The following SYNDIG1 variants were observed in gnomAD, a reference collection of about 807,000 sequenced individuals.
The protein encoded by SYNDIG1 is synapse differentiation inducing 1.
In SYNDIG1, 9 loss-of-function variants were observed where a neutral mutation model predicts 19.4. The observed-to-expected ratio is 0.46, with a 90% CI of 0.28 to 0.81. SYNDIG1 has a LOEUF of 0.81. Among genes scored for constraint, SYNDIG1 ranks in the 30% least tolerant of loss-of-function variants. The probability of loss-of-function intolerance (pLI) is 0.12; values close to 1 mark genes in which losing one functional copy is unlikely to be tolerated. For missense variants in SYNDIG1, 311 were observed against 343.3 expected, an observed-to-expected ratio of 0.91 and a Z score of 0.74; for synonymous variants, 141 against 145.9, an observed-to-expected ratio of 0.97 and a Z score of 0.24.
intron 3 of SYNDIG1, among the ~76,000 whole-genome samples, chr20:24,635,526 T>A (rs2059306459): frequency 1.3e-5 from 2 of 152,244 alleles, no homozygotes; most frequent in Admixed American, 1.3e-4. Context: ...CAAGGGTCTC[T>A]GTGCTGGTTG....
At chr20:24,650,143 CTG>C (rs1181888932) in intron 3 of SYNDIG1, among the ~76,000 whole-genome samples, 2 of 152,206 alleles carry the variant, frequency 1.3e-5, no homozygotes, top group African/African-American at 2.4e-5. Flanking sequence ...AAGTTCCACT[CTG>C]TGAGTGTGCG....
chr20:24,640,908 T>A (rs2059369940), intron 3 of SYNDIG1, among the ~76,000 whole-genome samples: 1 of 152,238 alleles, frequency 6.6e-6, no homozygotes, highest in Non-Finnish European at 1.5e-5. Flanking sequence ...CCTGCCAGCC[T>A]GCATGCACAC....
chr20:24,536,921 C>G (rs985219266), intron 1 of SYNDIG1, among the ~76,000 whole-genome samples: 1 of 152,198 alleles, frequency 6.6e-6, no homozygotes, highest in African/African-American at 2.4e-5. Context: ...ACCCTTCTTA[C>G]TGCCCAAAAG....
chr20:24,634,106 C>T (rs2059288633), intron 3 of SYNDIG1, among the ~76,000 whole-genome samples: 1 of 152,188 alleles, frequency 6.6e-6, no homozygotes, highest in Admixed American at 6.5e-5. Context: ...CTCCTCCATG[C>T]CCCTTTCTCA....
intron 1 of SYNDIG1, among the ~76,000 whole-genome samples, chr20:24,505,213 G>T (rs2056558180): frequency 6.6e-6 from 1 of 152,120 alleles, no homozygotes; most frequent in African/African-American, 2.4e-5. Context: ...CTGAAGAGAG[G>T]ACCTGGCAAA....
chr20:24,665,630 C>T lies in SYNDIG1; in HGVS notation c.*126C>T. On this transcript the variant is annotated 3_prime_UTR_variant, in exon 4 of 4. Transcript: ENST00000376862. ...ATGATGCCACGAAGCCCTGGGATTT[C>T]CTACCCATGGATTTATTTTGTTTTT... is the stretch of plus-strand genomic sequence containing the variant. 7.4e-7 allele frequency: 1 copy of T among 1,360,392 alleles called. No homozygotes were observed. Among genetic ancestry groups the T allele is most frequent in the South Asian group, 1.3e-5 (1 of 74,326 alleles). 84.3% of individuals were successfully genotyped at this position (1,360,392 alleles called of 1,614,324 possible). A position where few individuals can be genotyped will look rare whatever the true frequency, so the allele number is the denominator to read the frequency against.
intron 2 of SYNDIG1, among the ~76,000 whole-genome samples, chr20:24,582,820 A>G (rs78911341): frequency 0.033 from 5,045 of 152,310 alleles, 243 homozygotes; most frequent in African/African-American, 0.11. Flanking sequence ...GCAGCCCCAG[A>G]CACATGAAGC....
At chr20:24,562,303 A>G (rs1171988550) in intron 2 of SYNDIG1, among the ~76,000 whole-genome samples, 1 of 152,232 alleles carries the variant, frequency 6.6e-6, no homozygotes, top group Non-Finnish European at 1.5e-5. Context: ...TCCTTCATGA[A>G]GCAAATATGT....
Position 24,584,848 on chromosome 20 carries a change from T to A in SYNDIG1, c.481-8T>A. 6.2e-7 allele frequency: 1 copy of A among 1,614,124 alleles called. No individual in the cohort carries two copies. The highest frequency in any genetic ancestry group is 8.5e-7 in the Non-Finnish European group (1 of 1,180,024). ...CTCCTGTCCTGTCCTGCTGGTTCTC[T>A]CTTGCAGAGCGACTACTCAAGCGAC... On this transcript the variant is annotated splice_polypyrimidine_tract_variant and splice_region_variant and intron_variant, in intron 2 of 3. Coordinates refer to ENST00000376862, the MANE Select transcript of SYNDIG1 (RefSeq NM_024893.3).
At chr20:24,566,065 G>A (rs538381826) in intron 2 of SYNDIG1, among the ~76,000 whole-genome samples, 54 of 152,326 alleles carry the variant, frequency 3.5e-4, no homozygotes, top group African/African-American at 1.2e-3. Context: ...CTCCCAGGGA[G>A]GAGCAGTGAG....
At chr20:24,518,675 G>A (rs1302158834) in intron 1 of SYNDIG1, among the ~76,000 whole-genome samples, 1 of 152,248 alleles carries the variant, frequency 6.6e-6, no homozygotes, top group East Asian at 1.9e-4. Flanking sequence ...TCGTGTCCCA[G>A]CCTCTGGCTT....
chr20:24,503,125 G>C (rs1351203001), intron 1 of SYNDIG1, among the ~76,000 whole-genome samples: 1 of 152,180 alleles, frequency 6.6e-6, no homozygotes, highest in Non-Finnish European at 1.5e-5. Flanking sequence ...AGCAGACTGT[G>C]CCCTCATTCT....
At chr20:24,648,132 G>A (rs1284371561) in intron 3 of SYNDIG1, among the ~76,000 whole-genome samples, 1 of 152,110 alleles carries the variant, frequency 6.6e-6, no homozygotes, top group Non-Finnish European at 1.5e-5. Context: ...CATCTCATTG[G>A]AATTAGGGCT....
At chr20:24,530,559 T>G (rs2057234570) in intron 1 of SYNDIG1, among the ~76,000 whole-genome samples, 1 of 152,322 alleles carries the variant, frequency 6.6e-6, no homozygotes, top group Non-Finnish European at 1.5e-5. Context: ...CTCTATACAC[T>G]TGGGCCTTGG....
At chr20:24,562,432 T>G (rs1321478139) in intron 2 of SYNDIG1, among the ~76,000 whole-genome samples, 1 of 152,186 alleles carries the variant, frequency 6.6e-6, no homozygotes, top group Non-Finnish European at 1.5e-5. Context: ...ATTTTCTATA[T>G]CAAAAATATA....
chr20:24,485,838 C>T (rs1373930088), intron 1 of SYNDIG1, among the ~76,000 whole-genome samples: 1 of 152,184 alleles, frequency 6.6e-6, no homozygotes, highest in African/African-American at 2.4e-5. Flanking sequence ...TGTGGCCTTT[C>T]CCTCCTGGCT....
chr20:24,652,818 A>T (rs1006590704), intron 3 of SYNDIG1, among the ~76,000 whole-genome samples: 1 of 152,202 alleles, frequency 6.6e-6, no homozygotes, highest in Non-Finnish European at 1.5e-5. Flanking sequence ...CTGGGGCTAC[A>T]TAATCCAGAC....
intron 1 of SYNDIG1, among the ~76,000 whole-genome samples, chr20:24,494,358 C>T (rs6114742): frequency 0.018 from 2,685 of 152,172 alleles, 86 homozygotes; most frequent in African/African-American, 0.062. Context: ...GAGGAGCTGG[C>T]GGGTCCGAGG....
At chr20:24,537,298 C>T (rs2057381223) in intron 1 of SYNDIG1, among the ~76,000 whole-genome samples, 8 of 152,220 alleles carry the variant, frequency 5.3e-5, no homozygotes, top group Admixed American at 5.2e-4. Context: ...TATAATGAAT[C>T]ACATGCACCC....
Sources: allele counts gnomAD v4.1 joint callset (sites outside exome capture counted in the v4.1 genomes callset), GRCh38; gene constraint gnomAD v4.1.1; transcripts MANE v1.5; gene names NCBI Gene and HGNC (gene_info 2026-07-23, HGNC 2026-07-21).